Variants in HS6ST3 observed in about 807,000 individuals in gnomAD.
HS6ST3 encodes the protein heparan-sulfate 6-O-sulfotransferase 3.
Under a neutral mutation model 36.7 loss-of-function variants are expected in HS6ST3, and 12 were observed. That is an observed-to-expected ratio of 0.33 (90% CI 0.21 to 0.53). The LOEUF is 0.53. Among genes scored for constraint, HS6ST3 ranks in the 20% least tolerant of loss-of-function variants. HS6ST3 has a pLI of 0.95. For missense variants in HS6ST3, 584 were observed against 640.9 expected (o/e 0.91, Z 0.96); for synonymous variants, 240 against 257.5 (o/e 0.93, Z 0.65).
intron 1 of HS6ST3, among the ~76,000 whole-genome samples, chr13:96,110,377 C>T (rs118035534): frequency 1.3e-5 from 2 of 151,696 alleles, no homozygotes; most frequent in Non-Finnish European, 2.9e-5. Flanking sequence ...CCAAACACCC[C>T]CCTCCAGGCC....
At chr13:96,373,393 T>C (rs1388094353) in intron 1 of HS6ST3, among the ~76,000 whole-genome samples, 1 of 152,234 alleles carries the variant, frequency 6.6e-6, no homozygotes, top group Non-Finnish European at 1.5e-5. Flanking sequence ...GCATAGTGCA[T>C]ACATAAATTG....
chr13:96,271,371 T>C, intron 1 of HS6ST3, among the ~76,000 whole-genome samples: 1 of 151,970 alleles, frequency 6.6e-6, no homozygotes, highest in East Asian at 1.9e-4. Flanking sequence ...AATATGACTA[T>C]TTAATGACCG....
chr13:96,587,322 T>C (rs570439149), intron 1 of HS6ST3, among the ~76,000 whole-genome samples: 1 of 152,258 alleles, frequency 6.6e-6, no homozygotes, highest in East Asian at 1.9e-4. Context: ...ATTTTTTTTT[T>C]CTATTTTTGT....
intron 1 of HS6ST3, among the ~76,000 whole-genome samples, chr13:96,698,433 T>C (rs1361719059): frequency 2.0e-5 from 3 of 152,142 alleles, no homozygotes; most frequent in Non-Finnish European, 4.4e-5. Flanking sequence ...ATTTTCTTAA[T>C]CCAGTCTATC....
intron 1 of HS6ST3, among the ~76,000 whole-genome samples, chr13:96,738,954 T>C (rs887156612): frequency 6.6e-6 from 1 of 152,210 alleles, no homozygotes; most frequent in African/African-American, 2.4e-5. Flanking sequence ...TCGTTTGTTG[T>C]TGTTCCACTA....
intron 1 of HS6ST3, among the ~76,000 whole-genome samples, chr13:96,333,885 C>T (rs2055085834): frequency 6.6e-6 from 1 of 151,716 alleles, no homozygotes. Context: ...AGCTGGAGCT[C>T]CAGGGGGAAG....
chr13:96,482,494 G>A (rs1236229864), intron 1 of HS6ST3, among the ~76,000 whole-genome samples: 2 of 149,086 alleles, frequency 1.3e-5, no homozygotes, highest in African/African-American at 5.0e-5. Context: ...CTTAGAGGTA[G>A]CCTTGTCTGT....
chr13:96,113,929 G>T (rs1488857891), intron 1 of HS6ST3, among the ~76,000 whole-genome samples: 1 of 152,096 alleles, frequency 6.6e-6, no homozygotes, highest in Non-Finnish European at 1.5e-5. Flanking sequence ...ACAAATTGAT[G>T]TAATATTATG....
chr13:96,491,587 G>C (rs1053280498), intron 1 of HS6ST3, among the ~76,000 whole-genome samples: 2 of 151,534 alleles, frequency 1.3e-5, no homozygotes, highest in Non-Finnish European at 2.9e-5. Context: ...GGACATCTTT[G>C]GTAAATGAAT....
chr13:96,358,446 G>A (rs1391277467), intron 1 of HS6ST3, among the ~76,000 whole-genome samples: 2 of 152,038 alleles, frequency 1.3e-5, no homozygotes, highest in Non-Finnish European at 2.9e-5. Flanking sequence ...TGTTACATCT[G>A]GTCTCATCAT....
rs560475485 is a variant in HS6ST3 at position 96,653,569 on chromosome 13, A to G, written c.708-178921A>G. Among the ~76,000 whole-genome samples, 349 of 152,270 alleles carry G rather than the reference A, an allele frequency of 2.3e-3. 1 individual carries two copies. The highest frequency in any genetic ancestry group is 4.0e-3 in the Non-Finnish European group (274 of 68,014). On this transcript the variant is annotated intron_variant, in intron 1 of 1. Coordinates refer to ENST00000376705, the MANE Select transcript of HS6ST3 (RefSeq NM_153456.4). ...CTTTTTTATGGCTGCATAGCAATCC[A>G]TGGTGTATATGTGCCACATTTTCTT...
At chr13:96,750,404 G>A (rs1876671713) in intron 1 of HS6ST3, among the ~76,000 whole-genome samples, 1 of 152,228 alleles carries the variant, frequency 6.6e-6, no homozygotes, top group South Asian at 2.1e-4. Context: ...TCCTCACTGG[G>A]TGAAGGAGAC....
intron 1 of HS6ST3, among the ~76,000 whole-genome samples, chr13:96,215,909 A>G (rs2054423562): frequency 1.3e-5 from 2 of 152,210 alleles, no homozygotes; most frequent in South Asian, 4.1e-4. Context: ...GTTAACCAAA[A>G]TGATTACTAC....
chr13:96,424,189 C>T (rs1034773704), intron 1 of HS6ST3, among the ~76,000 whole-genome samples: 1 of 152,114 alleles, frequency 6.6e-6, no homozygotes, highest in African/African-American at 2.4e-5. Context: ...ATTCCAAAAG[C>T]ATGGAATATT....
chr13:96,734,914 C>G (rs932438491), intron 1 of HS6ST3, among the ~76,000 whole-genome samples: 6 of 152,008 alleles, frequency 3.9e-5, no homozygotes, highest in Non-Finnish European at 8.8e-5. Context: ...TCATGAGTAC[C>G]TTTAAGCTTT....
At chr13:96,624,226 A>T (rs908362782) in intron 1 of HS6ST3, among the ~76,000 whole-genome samples, 2 of 152,184 alleles carry the variant, frequency 1.3e-5, no homozygotes, top group Admixed American at 1.3e-4. Context: ...GGCTTAAGTA[A>T]TAATACAATA....
chr13:96,114,120 C>T (rs1416607579), intron 1 of HS6ST3, among the ~76,000 whole-genome samples: 1 of 151,430 alleles, frequency 6.6e-6, no homozygotes, highest in African/African-American at 2.4e-5. Flanking sequence ...ATTTTAATTT[C>T]TTTTCTATTT....
At chr13:96,275,825 G>T (rs2054745338) in intron 1 of HS6ST3, among the ~76,000 whole-genome samples, 2 of 150,976 alleles carry the variant, frequency 1.3e-5, no homozygotes, top group South Asian at 2.1e-4. Context: ...TAATCCAAAT[G>T]CCAGTACCAT....
chr13:96,210,588 T>C (rs534587514), intron 1 of HS6ST3, among the ~76,000 whole-genome samples: 63 of 152,164 alleles, frequency 4.1e-4, no homozygotes, highest in South Asian at 8.3e-4. Flanking sequence ...TTCTTTCTTT[T>C]TTTTTTTTTT....
Sources: allele counts gnomAD v4.1 joint callset (sites outside exome capture counted in the v4.1 genomes callset), GRCh38; gene constraint gnomAD v4.1.1; transcripts MANE v1.5; gene names NCBI Gene and HGNC (gene_info 2026-07-23, HGNC 2026-07-21).